MTMR8: variants seen among roughly 807,000 people sequenced by gnomAD.
MTMR8 encodes myotubularin related protein 8.
In MTMR8, 65 loss-of-function variants were observed where a neutral mutation model predicts 39.3. The observed-to-expected ratio is 1.65, with a 90% confidence interval of 1.35 to 2.03. MTMR8 has a LOEUF of 2.03. Among genes scored for constraint, MTMR8 ranks in the 30% most tolerant of loss-of-function variants. The pLI is 0.00. For synonymous variants in MTMR8, 245 were observed against 185.2 expected, an observed-to-expected ratio of 1.32 and a Z score of -2.62; for missense variants, 777 against 538.9, an observed-to-expected ratio of 1.44 and a Z score of -4.37.
At chrX:64,368,802 T>C (rs1473460755) in intron 1 of MTMR8, among the ~76,000 whole-genome samples, 1 of 112,066 alleles carries the variant, frequency 8.9e-6, no homozygotes, top group African/African-American at 3.2e-5. Flanking sequence ...CAAAAGAAAC[T>C]ACCATCAGAG....
rs1189873338 is a variant in MTMR8 at position 64,354,939 on chromosome X, A to G, written c.311-5T>C. On this transcript the variant is annotated splice_polypyrimidine_tract_variant and splice_region_variant and intron_variant, in intron 3 of 13. Coordinates refer to ENST00000374852, the MANE Select transcript of MTMR8 (RefSeq NM_017677.4). ...CATAAAGATCTTCAGGTAATGCTGG[A>G]GAAGAGAGATAGGCATGGAAAACAA... 18 of 1,178,979 alleles carry G rather than the reference A, an allele frequency of 1.5e-5. No individual in the cohort carries two copies. Among genetic ancestry groups the G allele is most frequent in the Non-Finnish European group, 1.8e-5 (16 of 879,132 alleles).
intron 1 of MTMR8, among the ~76,000 whole-genome samples, chrX:64,393,684 C>T (rs1181333413): frequency 3.6e-5 from 4 of 111,429 alleles, no homozygotes; most frequent in Non-Finnish European, 7.5e-5. Flanking sequence ...TGACATGATC[C>T]GGAAACAAAG....
At chrX:64,304,934 A>G (rs1380420059) in intron 12 of MTMR8, 1 of 89,236 alleles carries the variant, frequency 1.1e-5, no homozygotes, top group Non-Finnish European at 2.3e-5. Context: ...ATACACATAT[A>G]CACACATATA....
rs1931928205 is a variant in MTMR8 at position 64,278,459 on chromosome X, G to GTTTTTTTTTTTTTTT, written c.1482-7387_1482-7386insAAAAAAAAAAAAAAA. 5.2e-4 allele frequency among the ~76,000 whole-genome samples: 26 copies of GTTTTTTTTTTTTTTT among 49,855 alleles called. 10 individuals carry two copies. The highest frequency in any genetic ancestry group is 2.9e-3 in the African/African-American group (25 of 8,740). 43.3% of individuals were successfully genotyped at this position (49,855 alleles called of 115,157 possible). On this transcript the variant is annotated intron_variant, in intron 12 of 13. Transcript: ENST00000374852. Reference sequence around the variant, plus strand: ...TGATGTTGATGCTATTTATTTTGCTGGTTTTTTTTTTTTTTTTTTTTTTTT... The same window carrying GTTTTTTTTTTTTTTT: ...TGATGTTGATGCTATTTATTTTGCTGTTTTTTTTTTTTTTTGTTTTTTTTTTTTTTTTTTTTTTTT...
chrX:64,317,365 C>T (rs1031442082), intron 12 of MTMR8, among the ~76,000 whole-genome samples: 3 of 111,197 alleles, frequency 2.7e-5, no homozygotes, highest in African/African-American at 9.8e-5. Context: ...GTCCCACAGA[C>T]CCCTGTGACT....
rs1221176804 is a variant in MTMR8, at chrX:64,376,530, G to C, written c.25-17003C>G. ...CTCTGAACTTGAGAGTGATGATTGA[G>C]GGTATGTGGCGGAATAAATTTCTAA... On this transcript the variant is annotated intron_variant, in intron 1 of 13. Transcript: ENST00000374852. 5.4e-5 allele frequency among the ~76,000 whole-genome samples: 6 copies of C among 112,128 alleles called. No individual in the cohort carries two copies. In the Admixed American group the frequency reaches 5.7e-4, roughly 11 times the overall value.
intron 1 of MTMR8, among the ~76,000 whole-genome samples, chrX:64,374,935 T>C (rs1336878190): frequency 9.5e-6 from 1 of 105,161 alleles, no homozygotes; most frequent in Non-Finnish European, 1.9e-5. Context: ...GAAGATGCAA[T>C]AAGGAAGGAT....
intron 12 of MTMR8, among the ~76,000 whole-genome samples, chrX:64,277,656 T>A (rs1446900866): frequency 2.7e-5 from 3 of 111,078 alleles, no homozygotes; most frequent in Non-Finnish European, 5.7e-5. Context: ...AACCTTTCTC[T>A]CCCTTAACAT....
At chrX:64,325,984 C>T (rs1413385453) in intron 12 of MTMR8, among the ~76,000 whole-genome samples, 1 of 111,793 alleles carries the variant, frequency 8.9e-6, no homozygotes, top group Non-Finnish European at 1.9e-5. Context: ...CAGTAGCCCA[C>T]TGTTGACCAG....
intron 1 of MTMR8, among the ~76,000 whole-genome samples, chrX:64,375,075 A>G (rs755485101): frequency 9.3e-6 from 1 of 107,820 alleles, no homozygotes; most frequent in Non-Finnish European, 1.9e-5. Context: ...AAAGTGAAGG[A>G]AGGGCCAGCT....
At chrX:64,280,628 A>C (rs763444183) in intron 12 of MTMR8, among the ~76,000 whole-genome samples, 4 of 111,568 alleles carry the variant, frequency 3.6e-5, no homozygotes, top group Non-Finnish European at 7.5e-5. Context: ...TTCCCTTTGA[A>C]TATAGGCACA....
At chrX:64,368,166 A>G (rs1234568988) in intron 1 of MTMR8, among the ~76,000 whole-genome samples, 2 of 111,859 alleles carry the variant, frequency 1.8e-5, no homozygotes, top group Non-Finnish European at 3.8e-5. Context: ...AATATCGTGA[A>G]AATGGCCATA....
At chrX:64,278,665 G>C (rs1388056223) in intron 12 of MTMR8, among the ~76,000 whole-genome samples, 4 of 108,435 alleles carry the variant, frequency 3.7e-5, no homozygotes, top group African/African-American at 1.3e-4. Context: ...GTAGAGACGG[G>C]GTTACACCAT....
At chrX:64,286,699 C>A (rs1365673391) in intron 12 of MTMR8, among the ~76,000 whole-genome samples, 1 of 111,605 alleles carries the variant, frequency 9.0e-6, no homozygotes, top group Non-Finnish European at 1.9e-5. Context: ...TAAACAGAAC[C>A]AAAGACAAAA....
intron 1 of MTMR8, among the ~76,000 whole-genome samples, chrX:64,383,475 T>C (rs1277005370): frequency 4.6e-5 from 5 of 109,010 alleles, no homozygotes; most frequent in Non-Finnish European, 7.6e-5. Context: ...TAATTTATTA[T>C]ATATTATATA....
intron 12 of MTMR8, among the ~76,000 whole-genome samples, chrX:64,308,512 G>A (rs1183756110): frequency 1.8e-5 from 2 of 108,801 alleles, no homozygotes; most frequent in Non-Finnish European, 3.8e-5. Flanking sequence ...TAGTTTTTTG[G>A]CTTTCCTATT....
At chrX:64,359,054 G>A (rs1443539388) in intron 2 of MTMR8, among the ~76,000 whole-genome samples, 2 of 111,104 alleles carry the variant, frequency 1.8e-5, no homozygotes, top group East Asian at 5.7e-4. Flanking sequence ...CGCTACAGAT[G>A]CTGCTGGTTC....
chrX:64,349,776 A>C (rs892649700), intron 5 of MTMR8, among the ~76,000 whole-genome samples, 166 bp downstream of exon 5: 14 of 112,138 alleles, frequency 1.2e-4, no homozygotes, highest in Non-Finnish European at 2.3e-4. Flanking sequence ...TACATTGTAC[A>C]TATTATTCCT....
chrX:64,389,344 T>C (rs756834456), intron 1 of MTMR8, among the ~76,000 whole-genome samples: 1 of 111,472 alleles, frequency 9.0e-6, no homozygotes, highest in South Asian at 3.8e-4. Flanking sequence ...ATGATGAAAA[T>C]GTCTTTAGTA....
Sources: gnomAD v4.1 joint callset for allele counts (sites outside exome capture counted in the v4.1 genomes callset) on GRCh38, gnomAD v4.1.1 for gene constraint, MANE v1.5 for transcripts, NCBI Gene and HGNC (gene_info 2026-07-23, HGNC 2026-07-21) for gene names.